ANXA9: variants seen among roughly 807,000 people sequenced by gnomAD.
ANXA9 encodes the protein annexin A9.
ANXA9 carries 47 observed loss-of-function variants against 51.8 expected under a neutral mutation model. The ratio of observed to expected loss-of-function variants is 0.91; its 90% CI spans 0.72 to 1.16. The LOEUF (loss-of-function observed/expected upper bound fraction) is 1.16, where lower values mean the gene tolerates loss of function less well. ANXA9 is among the 50% of genes most tolerant of loss of function. The pLI is 0.00. For synonymous variants in ANXA9, 154 were observed against 168.7 expected, an observed-to-expected ratio of 0.91 and a Z score of 0.68; for missense variants, 361 against 424.7, an observed-to-expected ratio of 0.85 and a Z score of 1.32.
chr1:150,995,337 A>T lies in ANXA9; in HGVS notation c.*15A>T. 6.3e-7 allele frequency: 1 copy of T among 1,587,718 alleles called. No individual in the cohort carries two copies. The highest frequency in any genetic ancestry group is 8.6e-7 in the Non-Finnish European group (1 of 1,167,256). On this transcript the variant is annotated 3_prime_UTR_variant, in exon 14 of 14. Coordinates refer to ENST00000368947, the MANE Select transcript of ANXA9 (RefSeq NM_003568.3). ...AAGACATGTGAGACTTCCCTGCCCC[A>T]CCCCACATGACATCCGAGGATCTGA...
At chr1:150,988,666 G>T (rs968261049) in intron 12 of ANXA9, among the ~76,000 whole-genome samples, 1 of 152,246 alleles carries the variant, frequency 6.6e-6, no homozygotes, top group African/African-American at 2.4e-5. Context: ...ACACTAGCAA[G>T]AATAATGACA....
At position 150,995,393 on chromosome 1, in the gene ANXA9, C is replaced by G; in HGVS notation, c.*71C>G. The G allele has an allele frequency of 3.4e-6, 5 of 1,455,498 alleles. No homozygotes were observed. The highest frequency in any genetic ancestry group is 9.4e-7 in the Non-Finnish European group (1 of 1,068,276). The allele number at this position is 1,455,498 out of a possible 1,614,324, so 90.2% of individuals were successfully genotyped here. A position where few individuals can be genotyped will look rare whatever the true frequency, so the allele number is the denominator to read the frequency against. On this transcript the variant is annotated 3_prime_UTR_variant, in exon 14 of 14. Transcript: ENST00000368947. ...CCGTGTTTGGCTGAACCTGGGAGAC[C>G]AGCTGGGCCTCCAAGTAGGATAACC...
At chr1:150,985,190 TCACA>T (rs768559320) in intron 7 of ANXA9, among the ~76,000 whole-genome samples, 11,906 of 146,538 alleles carry the variant, frequency 0.081, 623 homozygotes, top group African/African-American at 0.15. Flanking sequence ...TCTCTCTCTC[TCACA>T]CACACACACA....
At chr1:150,992,439 C>T (rs974370302) in intron 12 of ANXA9, among the ~76,000 whole-genome samples, 2 of 152,112 alleles carry the variant, frequency 1.3e-5, no homozygotes, top group African/African-American at 2.4e-5. Flanking sequence ...TTTCCAGCTA[C>T]TTGGGAGGCT....
At chr1:150,983,480 T>C (rs1671467619) in intron 4 of ANXA9, 46 bp downstream of exon 4, 1 of 1,529,510 alleles carries the variant, frequency 6.5e-7, no homozygotes, top group Admixed American at 2.0e-5. Context: ...TTAGAGCCAA[T>C]CTGTAGACCA....
At chr1:150,978,947 G>A (rs1235625096), upstream of ANXA9, among the ~76,000 whole-genome samples, 1 of 151,960 alleles carries the variant, frequency 6.6e-6, no homozygotes, top group Non-Finnish European at 1.5e-5. Context: ...CTGGGCAACA[G>A]AGTGAGACTC....
At chr1:150,977,627 A>T (rs1340073204), upstream of ANXA9, among the ~76,000 whole-genome samples, 1 of 152,228 alleles carries the variant, frequency 6.6e-6, no homozygotes, top group Non-Finnish European at 1.5e-5. Context: ...GGGCAAGCAT[A>T]CAGGGAGCCC....
rs587690261 is a variant in ANXA9, at chr1:150,983,019, T to TC, written c.-16-70dup. 8 of 1,177,670 alleles carry TC rather than the reference T, an allele frequency of 6.8e-6. No homozygotes were observed. The Admixed American group carries it at 1.7e-4, about 25-fold the overall frequency. 73.0% of individuals were successfully genotyped at this position (1,177,670 alleles called of 1,614,324 possible). On this transcript the variant is annotated intron_variant, in intron 2 of 13. Coordinates refer to ENST00000368947, the MANE Select transcript of ANXA9 (RefSeq NM_003568.3). ...TGACTGGAACCCAGGGTCCAGGGTC[T>TC]CGGGGGGGTCATAAGGAGTCCCTGA...
chr1:150,984,656 G>A lies in ANXA9; in HGVS notation c.452G>A (p.Cys151Tyr). The A allele has an allele frequency of 4.3e-6, 7 of 1,613,952 alleles. No homozygotes were observed. The highest frequency in any genetic ancestry group is 5.9e-6 in the Non-Finnish European group (7 of 1,179,962). The change falls in exon 7 of 14, where the codon TGC becomes TAC. Residue 151 changes from cysteine to tyrosine, a missense_variant. Physicochemically the swap from Cys to Tyr is radical, Grantham distance 194. Coordinates refer to ENST00000368947, the MANE Select transcript of ANXA9 (RefSeq NM_003568.3). ...CGAACCCCACCCCAGCTGCAGGAGT[G>A]CCTGGCAGTCTACAAACACAGTAAG... ...ATRTPPQLQE[C>Y]LAVYKHNFQV... is the part of the protein sequence containing the mutation.
At chr1:150,983,929 A>G (rs1422866024) in intron 4 of ANXA9, 46 bp from the exon 5 acceptor site, 1 of 1,570,212 alleles carries the variant, frequency 6.4e-7, no homozygotes, top group Non-Finnish European at 8.7e-7. Flanking sequence ...GGAACATCCC[A>G]CTATGTAAAG....
In ANXA9 at chr1:150,994,875, C is replaced by T. The variant is rs12094470; in HGVS notation, c.975+176C>T. The T allele has an allele frequency of 1.2e-4, 115 of 932,032 alleles. 1 individual carries two copies. In the African/African-American group the frequency reaches 1.8e-3, roughly 14 times the overall value. 57.7% of individuals were successfully genotyped at this position (932,032 alleles called of 1,614,324 possible). ...TTGAGAGGCTGAGGTGGGCGGATCA[C>T]GAGGTCAGGAGTTCAAGACCACCCT... On this transcript the variant is annotated intron_variant, in intron 13 of 13. Transcript: ENST00000368947.
upstream of ANXA9, among the ~76,000 whole-genome samples, chr1:150,979,753 A>G (rs1275035245): frequency 6.6e-6 from 1 of 152,214 alleles, no homozygotes; most frequent in African/African-American, 2.4e-5. Context: ...GAGGTAAGTA[A>G]TAACAACAGT....
At position 150,994,112 on chromosome 1, in the gene ANXA9, C is replaced by T. The variant is rs76225393; in HGVS notation, c.853-465C>T. On this transcript the variant is annotated intron_variant, in intron 12 of 13. Transcript: ENST00000368947. The stretch of plus-strand genomic sequence containing the variant: ...GAATCAGAACTAGAAGTCACACAAC[C>T]TTGAACCCTATCAGAGCCTCATCAG... 4.7e-3 allele frequency among the ~76,000 whole-genome samples: 721 copies of T among 152,252 alleles called. 6 individuals carry two copies. Among genetic ancestry groups the T allele is most frequent in the African/African-American group, 0.017 (687 of 41,542 alleles).
At chr1:150,984,485 C>A in intron 6 of ANXA9, 91 bp downstream of exon 6, 1 of 1,526,262 alleles carries the variant, frequency 6.6e-7, no homozygotes, top group South Asian at 1.1e-5. Flanking sequence ...CTCTCGTCGT[C>A]CCATATTGTT....
chr1:150,981,319 T>C (rs1218601151), upstream of ANXA9, among the ~76,000 whole-genome samples: 1 of 152,040 alleles, frequency 6.6e-6, no homozygotes, highest in Non-Finnish European at 1.5e-5. Flanking sequence ...CCTTCCTGAG[T>C]TGGGAGAGAG....
At chr1:150,985,167 G>GTCTCTC (rs1227557728) in intron 7 of ANXA9, among the ~76,000 whole-genome samples, 4 of 141,234 alleles carry the variant, frequency 2.8e-5, no homozygotes, top group Admixed American at 7.2e-5. Flanking sequence ...GTGAGAGCAT[G>GTCTCTC]TCTCTCTCTC....
intron 7 of ANXA9, among the ~76,000 whole-genome samples, chr1:150,985,119 C>T (rs998537505): frequency 1.3e-5 from 2 of 151,464 alleles, no homozygotes; most frequent in African/African-American, 2.4e-5. Flanking sequence ...GAGCTGAGAT[C>T]GTGCCACTGC....
At chr1:150,989,344 C>T (rs946324538) in intron 12 of ANXA9, among the ~76,000 whole-genome samples, 3 of 149,786 alleles carry the variant, frequency 2.0e-5, no homozygotes, top group African/African-American at 2.5e-5. Context: ...TCCAGTTATT[C>T]TGTTGATTGA....
In ANXA9 at chr1:150,983,984, G is replaced by T; in HGVS notation, c.182G>T (p.Arg61Leu). ...CCTCATCTCGGTTCAGGCGTGGACC[G>T]CAGTGCCATTGTGGACGTGCTGACC... ...LRAITGQGVD[R>L]SAIVDVLTNR... The change falls in exon 5 of 14, where the codon CGC (arginine) becomes CTC (leucine). Residue 61 changes from arginine (R) to leucine (L), a missense_variant. By Grantham distance (102) the Arg-to-Leu change is moderately radical. Coordinates refer to ENST00000368947, the MANE Select transcript of ANXA9 (RefSeq NM_003568.3). 1 of 1,612,088 alleles carries T rather than the reference G, an allele frequency of 6.2e-7. No individual in the cohort carries two copies. Among genetic ancestry groups the T allele is most frequent in the South Asian group, 1.1e-5 (1 of 90,730 alleles).
Sources: gnomAD v4.1 joint callset for allele counts (sites outside exome capture counted in the v4.1 genomes callset) on GRCh38, gnomAD v4.1.1 for gene constraint, MANE v1.5 for transcripts, NCBI Gene and HGNC (gene_info 2026-07-23, HGNC 2026-07-21) for gene names.